The following ENOSF1 variants were observed in gnomAD, a reference collection of about 807,000 sequenced individuals.
ENOSF1 encodes the protein enolase superfamily member 1.
A neutral mutation model predicts 68.2 loss-of-function variants in ENOSF1; 73 were observed. That is an observed-to-expected ratio of 1.07 (90% CI 0.89 to 1.30). ENOSF1 has a LOEUF of 1.30. Among genes scored for constraint, ENOSF1 ranks in the 50% most tolerant of loss-of-function variants. The pLI, the probability that ENOSF1 is intolerant of heterozygous loss-of-function variation, is 0.00. For missense variants in ENOSF1, 589 were observed against 554.5 expected, an observed-to-expected ratio of 1.06 and a Z score of -0.62; for synonymous variants, 223 against 210.4, an observed-to-expected ratio of 1.06 and a Z score of -0.52.
chr18:673,272 A>G lies in ENOSF1; in HGVS notation c.*1033T>C. The G allele has an allele frequency of 3.5e-6, 1 of 288,282 alleles. No individual in the cohort carries two copies. Among genetic ancestry groups the G allele is most frequent in the South Asian group, 1.5e-4 (1 of 6,764 alleles). 17.9% of individuals were successfully genotyped at this position (288,282 alleles called of 1,614,324 possible). A position where few individuals can be genotyped will look rare whatever the true frequency, so the allele number is the denominator to read the frequency against. ...AGAATGAAATGTATGTGCTCTTAGC[A>G]AAAACATGTATGTGCATTTCAATCC... On this transcript the variant is annotated 3_prime_UTR_variant, in exon 16 of 16. Coordinates refer to ENST00000647584, the MANE Select transcript of ENOSF1 (RefSeq NM_017512.7).
intron 11 of ENOSF1, among the ~76,000 whole-genome samples, chr18:679,990 T>TA (rs147232601): frequency 0.026 from 3,992 of 152,296 alleles, 172 homozygotes; most frequent in African/African-American, 0.091. Context: ...CCCCATTTTA[T>TA]AAAAAATGAT....
Position 677,427 on chromosome 18 carries a change from C to T in ENOSF1, c.1066G>A (p.Ala356Thr). ...KKFEIPVCPH[A>T]GGVGLCELVQ... ...AGTTCACAGAGGCCAACTCCACCAG[C>T]ATGGGGGCAAACAGGAACTAAAAGG... Residue 356 changes from alanine (A) to threonine (T), a missense_variant, in exon 14 of 16, where the codon GCT (alanine) becomes ACT (threonine). Ala to Thr is a moderately conservative substitution (Grantham distance 58). Coordinates refer to ENST00000647584, the MANE Select transcript of ENOSF1 (RefSeq NM_017512.7). 1 of 1,613,326 alleles carries T rather than the reference C, an allele frequency of 6.2e-7. No homozygotes were observed. The highest frequency in any genetic ancestry group is 8.5e-7 in the Non-Finnish European group (1 of 1,179,880).
chr18:667,601 T>TGATGGA (rs1187568160), downstream of ENOSF1: 414 of 86,150 alleles, frequency 4.8e-3, 113 homozygotes, highest in African/African-American at 0.02. Flanking sequence ...ATGGTGATGG[T>TGATGGA]GATGGTGATG....
In ENOSF1 at chr18:674,009, A is replaced by G. The variant is rs1326351863; in HGVS notation, c.*296T>C. On this transcript the variant is annotated 3_prime_UTR_variant, in exon 16 of 16. Coordinates refer to ENST00000647584, the MANE Select transcript of ENOSF1 (RefSeq NM_017512.7). ...GTTATGCAACATGTTGCTTATTTTC[A>G]AATTACAGTTTAATGTCTAGGTGCC... 27 of 224,816 alleles carry G rather than the reference A, an allele frequency of 1.2e-4. No individual in the cohort carries two copies. The Admixed American group carries it at 1.3e-3, about 11-fold the overall frequency. 13.9% of individuals were successfully genotyped at this position (224,816 alleles called of 1,614,324 possible).
chr18:667,227 T>C (rs188267), downstream of ENOSF1, among the ~76,000 whole-genome samples: 4 of 33,946 alleles, frequency 1.2e-4, no homozygotes, highest in African/African-American at 7.7e-4. Context: ...ATGGTGATGG[T>C]GATGGAGATG....
At chr18:682,765 C>G (rs1168182562) in intron 11 of ENOSF1, among the ~76,000 whole-genome samples, 1 of 149,540 alleles carries the variant, frequency 6.7e-6, no homozygotes, top group East Asian at 2.0e-4. Context: ...CATCTGTAGT[C>G]CCAGCTACTC....
intron 2 of ENOSF1, among the ~76,000 whole-genome samples, chr18:700,544 T>C (rs922118825): frequency 6.6e-6 from 1 of 152,118 alleles, no homozygotes; most frequent in Non-Finnish European, 1.5e-5. Context: ...AGTGTATGGA[T>C]TTTTCTTGCT....
Position 671,624 on chromosome 18 carries a change from C to G in ENOSF1, c.*2681G>C. ...GTGGGCAGGACAAGGCAGGCATCTGCCTCAGCAACCATGGGCACTTAACAT... is the reference window on the plus strand; with the variant it reads ...GTGGGCAGGACAAGGCAGGCATCTGGCTCAGCAACCATGGGCACTTAACAT... On this transcript the variant is annotated 3_prime_UTR_variant, in exon 16 of 16. Transcript: ENST00000647584. 1.6e-6 allele frequency: 1 copy of G among 633,964 alleles called. No homozygotes were observed. Among genetic ancestry groups the G allele is most frequent in the Admixed American group, 3.0e-5 (1 of 32,814 alleles). 39.3% of individuals were successfully genotyped at this position (633,964 alleles called of 1,614,324 possible). A position where few individuals can be genotyped will look rare whatever the true frequency, so the allele number is the denominator to read the frequency against.
intron 8 of ENOSF1, among the ~76,000 whole-genome samples, chr18:690,323 TG>T (rs2077014976): frequency 6.6e-6 from 1 of 150,746 alleles, no homozygotes. Context: ...CCTTAACCTG[TG>T]GGGTCTGAGG....
chr18:703,960 T>C (rs565242329), intron 2 of ENOSF1, among the ~76,000 whole-genome samples: 28 of 152,148 alleles, frequency 1.8e-4, no homozygotes, highest in Non-Finnish European at 2.9e-4. Context: ...TCTTGATCCT[T>C]TCGACATAGG....
intron 10 of ENOSF1, among the ~76,000 whole-genome samples, chr18:685,365 AAGC>A (rs1052470963): frequency 2.6e-5 from 4 of 152,124 alleles, no homozygotes; most frequent in Non-Finnish European, 5.9e-5. Context: ...TAAAAAAAAA[AAGC>A]AGCATTAATT....
rs1353700584 is a variant in ENOSF1, at chr18:670,665, C to A, written c.*3640G>T. 1 of 1,611,588 alleles carries A rather than the reference C, an allele frequency of 6.2e-7. No individual in the cohort carries two copies. The highest frequency in any genetic ancestry group is 8.5e-7 in the Non-Finnish European group (1 of 1,178,514). On this transcript the variant is annotated 3_prime_UTR_variant, in exon 16 of 16. Transcript: ENST00000647584. ...TGTGGTCTTTCAAACCACCATCCCT[C>A]CTTATCTTCCTCTGCTGGTTCCTCA...
intron 1 of ENOSF1, chr18:712,224 C>T: frequency 6.7e-7 from 1 of 1,488,452 alleles, no homozygotes; most frequent in Non-Finnish European, 9.0e-7. Flanking sequence ...TGCTCCAAGG[C>T]ATGAAAAGCG....
At position 675,321 on chromosome 18, in the gene ENOSF1, C is replaced by T. The variant is rs996825186; in HGVS notation, c.1230G>A (p.Lys410=). The T allele has an allele frequency of 6.2e-7, 1 of 1,610,322 alleles. No homozygotes were observed. Among genetic ancestry groups the T allele is most frequent in the Non-Finnish European group, 8.5e-7 (1 of 1,178,886 alleles). Residue 410 remains lysine (K), a splice_region_variant and synonymous_variant, in exon 15 of 16, where the codon AAG becomes AAA. Transcript: ENST00000647584. ...MIQRASYMPP[K]DPGYSTEMKE... is the part of the protein sequence containing the mutation. ...CAGGGGCCCTCAGGCCACAGCTTAC[C>T]TTGGGAGGCATGTAGGAAGCCCGCT...
intron 10 of ENOSF1, 33 bp from the exon 11 acceptor site, chr18:683,413 C>A (rs748621941): frequency 1.2e-6 from 2 of 1,611,122 alleles, no homozygotes; most frequent in South Asian, 1.1e-5. Context: ...GGGAGGTCAG[C>A]CCTGAGCCAA....
chr18:676,093 A>G (rs1469684664), intron 14 of ENOSF1, among the ~76,000 whole-genome samples: 1 of 152,234 alleles, frequency 6.6e-6, no homozygotes, highest in Non-Finnish European at 1.5e-5. Context: ...TTTCAGCTAT[A>G]CAAATGATTT....
intron 10 of ENOSF1, among the ~76,000 whole-genome samples, chr18:685,231 C>T (rs2076505368): frequency 6.6e-6 from 1 of 151,826 alleles, no homozygotes; most frequent in African/African-American, 2.4e-5. Flanking sequence ...TCTTGTACTC[C>T]TGAGCTCCGG....
intron 1 of ENOSF1, among the ~76,000 whole-genome samples, chr18:707,214 T>C (rs1417944254): frequency 1.3e-5 from 2 of 152,264 alleles, no homozygotes; most frequent in East Asian, 1.9e-4. Context: ...AAAATAGAGA[T>C]GGAGTCTTGC....
At chr18:680,742 G>A (rs557754080) in intron 11 of ENOSF1, among the ~76,000 whole-genome samples, 3 of 145,168 alleles carry the variant, frequency 2.1e-5, no homozygotes, top group East Asian at 4.1e-4. Context: ...GTGCAATGGC[G>A]CAAACTTGGC....
Sources: gnomAD v4.1 joint callset for allele counts (sites outside exome capture counted in the v4.1 genomes callset) on GRCh38, gnomAD v4.1.1 for gene constraint, MANE v1.5 for transcripts, NCBI Gene and HGNC (gene_info 2026-07-23, HGNC 2026-07-21) for gene names.